Variants in PCCB observed in about 807,000 individuals in gnomAD.
PCCB encodes propionyl-CoA carboxylase subunit beta, also known as propionyl-CoA carboxylase beta chain, mitochondrial.
PCCB carries 43 observed loss-of-function variants against 60.7 expected under a neutral mutation model. The observed-to-expected ratio is 0.71, with a 90% CI of 0.55 to 0.91. The LOEUF (loss-of-function observed/expected upper bound fraction) is 0.91, where lower values mean the gene tolerates loss of function less well. PCCB is among the 40% of genes least tolerant of loss of function. PCCB has a pLI of 0.00. For synonymous variants in PCCB, 276 were observed against 255.9 expected, an observed-to-expected ratio of 1.08 and a Z score of -0.75; for missense variants, 766 against 702.8, an observed-to-expected ratio of 1.09 and a Z score of -1.02.
intron 10 of PCCB, 134 bp from the exon 11 acceptor site, chr3:136,326,669 T>C: frequency 1.3e-6 from 1 of 753,276 alleles, no homozygotes; most frequent in Non-Finnish European, 2.4e-6. Context: ...GGGTCCTTGT[T>C]ACCATTCTGC....
intron 12 of PCCB, 84 bp from the exon 13 acceptor site, chr3:136,327,550 A>T: frequency 9.3e-7 from 1 of 1,074,874 alleles, no homozygotes; most frequent in South Asian, 1.3e-5. Context: ...TCTTTGTCCC[A>T]ATTTTACCTG....
intron 7 of PCCB, among the ~76,000 whole-genome samples, 154 bp from the exon 8 acceptor site, chr3:136,297,798 T>C (rs574992568): frequency 1.3e-5 from 2 of 152,306 alleles, no homozygotes; most frequent in Non-Finnish European, 2.9e-5. Context: ...GTATGTATTA[T>C]GTGGCATTAC....
intron 5 of PCCB, 122 bp downstream of exon 5, chr3:136,262,187 T>C (rs1941847117): frequency 1.4e-6 from 1 of 722,342 alleles, no homozygotes; most frequent in African/African-American, 1.7e-5. Flanking sequence ...GTTCTGTGGG[T>C]CCTTTCTGTG....
At chr3:136,318,818 G>C (rs1935006772) in intron 10 of PCCB, among the ~76,000 whole-genome samples, 1 of 152,168 alleles carries the variant, frequency 6.6e-6, no homozygotes, top group Non-Finnish European at 1.5e-5. Flanking sequence ...CCATTTGTCA[G>C]TGGACACCTG....
At chr3:136,320,146 A>T (rs9853387) in intron 10 of PCCB, among the ~76,000 whole-genome samples, 1 of 151,930 alleles carries the variant, frequency 6.6e-6, no homozygotes, top group African/African-American at 2.4e-5. Context: ...TTCCAACTTT[A>T]TTGTTGTTCT....
chr3:136,264,448 G>GTGTATATATA lies in PCCB; in HGVS notation c.543+2384_543+2385insGTATATATAT, dbSNP rs1015530159. 2.0e-4 allele frequency among the ~76,000 whole-genome samples: 21 copies of GTGTATATATA among 107,292 alleles called. No homozygotes were observed. In the East Asian group the frequency reaches 3.9e-3, roughly 20 times the overall value. 70.4% of individuals were successfully genotyped at this position (107,292 alleles called of 152,430 possible). On this transcript the variant is annotated intron_variant, in intron 5 of 14. Coordinates refer to ENST00000251654, the MANE Select transcript of PCCB (RefSeq NM_000532.5). ...CATATATATGTGTGTGTGTATATAT[G>GTGTATATATA]TATATATATATATGTTCCTCCTGGC...
chr3:136,258,281 CAA>C (rs1252624851), intron 3 of PCCB, among the ~76,000 whole-genome samples: 1 of 152,160 alleles, frequency 6.6e-6, no homozygotes, highest in Non-Finnish European at 1.5e-5. Flanking sequence ...ATGACTGAGA[CAA>C]GAGTTCCCAC....
chr3:136,304,266 C>CACTTCCT (rs1369076046), intron 9 of PCCB, among the ~76,000 whole-genome samples: 1 of 119,062 alleles, frequency 8.4e-6, no homozygotes, highest in African/African-American at 2.5e-5. Flanking sequence ...GTGATCTTCC[C>CACTTCCT]ACTTCAGCCT....
intron 5 of PCCB, among the ~76,000 whole-genome samples, chr3:136,281,816 T>C (rs551361410): frequency 2.0e-5 from 3 of 152,328 alleles, no homozygotes; most frequent in Non-Finnish European, 4.4e-5. Context: ...TTTGAACTTT[T>C]GCAAGCTGTT....
At chr3:136,274,643 G>C (rs1942294741) in intron 5 of PCCB, among the ~76,000 whole-genome samples, 1 of 152,120 alleles carries the variant, frequency 6.6e-6, no homozygotes, top group Non-Finnish European at 1.5e-5. Context: ...AGTTCTTTGA[G>C]CTTCTTGCAT....
In PCCB at chr3:136,296,460, C is replaced by T. The variant is rs533278439; in HGVS notation, c.764-1492C>T. On this transcript the variant is annotated intron_variant, in intron 7 of 14. Coordinates refer to ENST00000251654, the MANE Select transcript of PCCB (RefSeq NM_000532.5). ...TCAGTACTTTATTCATTTTTATGGC[C>T]GAATAATATTCCAGTGTGTGGATAT... Among the ~76,000 whole-genome samples the T allele has an allele frequency of 3.4e-4, 52 of 152,190 alleles. 3 individuals carry two copies. The South Asian group carries it at 4.8e-3, about 14-fold the overall frequency.
chr3:136,254,521 T>C (rs1941612204), intron 1 of PCCB, among the ~76,000 whole-genome samples: 1 of 123,000 alleles, frequency 8.1e-6, no homozygotes, highest in African/African-American at 3.4e-5. Context: ...CGGCTAGCTT[T>C]TTTTTTTTTT....
chr3:136,286,885 G>A (rs147434492), intron 6 of PCCB, among the ~76,000 whole-genome samples: 2 of 152,074 alleles, frequency 1.3e-5, no homozygotes, highest in Admixed American at 1.3e-4. Context: ...ACAAAAATTA[G>A]CCAAGCGTGG....
intron 1 of PCCB, chr3:136,252,487 TC>T (rs1244116586): frequency 2.9e-6 from 1 of 342,976 alleles, no homozygotes; most frequent in Non-Finnish European, 5.8e-6. Flanking sequence ...CCTCAGGTGA[TC>T]CACCCGCGTC....
At chr3:136,320,626 G>T (rs1560030555) in intron 10 of PCCB, among the ~76,000 whole-genome samples, 3 of 152,116 alleles carry the variant, frequency 2.0e-5, no homozygotes, top group Non-Finnish European at 2.9e-5. Context: ...TTTGATTGTT[G>T]ATCTGTGGAC....
intron 10 of PCCB, among the ~76,000 whole-genome samples, chr3:136,325,630 T>G (rs1935279670): frequency 6.6e-6 from 1 of 152,188 alleles, no homozygotes; most frequent in African/African-American, 2.4e-5. Context: ...GTGCTGGGAT[T>G]ACAGGTGTGA....
intron 8 of PCCB, among the ~76,000 whole-genome samples, chr3:136,299,019 A>AGTG (rs1934069385): frequency 6.6e-6 from 1 of 151,998 alleles, no homozygotes; most frequent in Non-Finnish European, 1.5e-5. Context: ...TGGAGGGGAG[A>AGTG]GTGGTCACAA....
intron 9 of PCCB, among the ~76,000 whole-genome samples, chr3:136,312,303 C>T (rs1934700212): frequency 6.6e-6 from 1 of 152,200 alleles, no homozygotes. Flanking sequence ...TCTTAGGCTG[C>T]AAACCTGTAT....
intron 5 of PCCB, among the ~76,000 whole-genome samples, chr3:136,265,668 A>G (rs1401287866): frequency 1.3e-5 from 2 of 152,118 alleles, no homozygotes; most frequent in Admixed American, 1.3e-4. Flanking sequence ...GGTACCTAAG[A>G]GTGGGATTGT....
Sources: gnomAD v4.1 joint callset for allele counts (sites outside exome capture counted in the v4.1 genomes callset) on GRCh38, gnomAD v4.1.1 for gene constraint, MANE v1.5 for transcripts, NCBI Gene and HGNC (gene_info 2026-07-23, HGNC 2026-07-21) for gene names.